KAZN: variants seen among roughly 807,000 people sequenced by gnomAD.
KAZN encodes kazrin, periplakin interacting protein, also known as kazrin.
A neutral mutation model predicts 87.4 loss-of-function variants in KAZN; 40 were observed. The ratio of observed to expected loss-of-function variants is 0.46; its 90% CI spans 0.36 to 0.60. The LOEUF is 0.60. KAZN is among the 20% of genes least tolerant of loss of function. The pLI, the probability that KAZN is intolerant of heterozygous loss-of-function variation, is 0.00. For synonymous variants in KAZN, 466 were observed against 458.3 expected (o/e 1.02, Z -0.22); for missense variants, 898 against 1,073.9 (o/e 0.84, Z 2.29).
intron 2 of KAZN, among the ~76,000 whole-genome samples, chr1:14,361,930 G>C (rs1290296499): frequency 2.0e-5 from 3 of 152,202 alleles, no homozygotes; most frequent in African/African-American, 7.2e-5. Flanking sequence ...TTTTGAGGAA[G>C]AGACTATTGG....
chr1:15,002,066 G>A (rs2102020530), intron 2 of KAZN, among the ~76,000 whole-genome samples: 1 of 151,990 alleles, frequency 6.6e-6, no homozygotes, highest in Admixed American at 6.5e-5. Flanking sequence ...ATTTTTAGTA[G>A]AGACGGGGTT....
intron 13 of KAZN, among the ~76,000 whole-genome samples, chr1:15,106,457 A>G (rs1174180843): frequency 6.6e-6 from 1 of 152,170 alleles, no homozygotes; most frequent in Non-Finnish European, 1.5e-5. Flanking sequence ...GAATATTAGC[A>G]GGCATTTGTG....
intron 2 of KAZN, among the ~76,000 whole-genome samples, chr1:14,300,535 C>T (rs564969454): frequency 3.9e-5 from 6 of 152,276 alleles, no homozygotes; most frequent in South Asian, 2.1e-4. Context: ...TGTGCTCAGC[C>T]GGATTTTAGG....
chr1:13,969,041 C>T (rs1447357915), intron 1 of KAZN, among the ~76,000 whole-genome samples: 2 of 152,182 alleles, frequency 1.3e-5, no homozygotes, highest in Non-Finnish European at 2.9e-5. Context: ...CGAATTTTCC[C>T]TGTACATTCA....
intron 2 of KAZN, among the ~76,000 whole-genome samples, chr1:14,490,637 C>T (rs944250179): frequency 3.3e-5 from 5 of 152,116 alleles, no homozygotes; most frequent in Non-Finnish European, 7.4e-5. Context: ...GGATTACAGG[C>T]GTGTGCCACC....
chr1:13,956,833 A>C (rs1641568884), intron 1 of KAZN, among the ~76,000 whole-genome samples: 2 of 152,306 alleles, frequency 1.3e-5, no homozygotes, highest in Admixed American at 1.3e-4. Context: ...TGTTTTTTAG[A>C]TAGATGAGTA....
intron 2 of KAZN, among the ~76,000 whole-genome samples, chr1:14,315,886 AT>A (rs144726128): frequency 1.9e-4 from 28 of 149,286 alleles, no homozygotes; most frequent in South Asian, 8.4e-4. Flanking sequence ...TTGTATGAAC[AT>A]TTTTTTTTTA....
At chr1:14,553,711 T>C (rs996842595) in intron 2 of KAZN, among the ~76,000 whole-genome samples, 2 of 152,146 alleles carry the variant, frequency 1.3e-5, no homozygotes, top group African/African-American at 4.8e-5. Context: ...CTTGGCACCA[T>C]TGCCCATGTG....
At chr1:14,022,570 C>T (rs1015495625) in intron 1 of KAZN, among the ~76,000 whole-genome samples, 10 of 148,878 alleles carry the variant, frequency 6.7e-5, no homozygotes, top group African/African-American at 2.5e-4. Flanking sequence ...TTTTATATGT[C>T]GTATGATGCA....
At chr1:14,658,023 G>A (rs901713211) in intron 1 of KAZN, among the ~76,000 whole-genome samples, 36 of 152,298 alleles carry the variant, frequency 2.4e-4, no homozygotes, top group African/African-American at 7.9e-4. Context: ...GGCACCTGGC[G>A]CTGGTGTCCC....
intron 2 of KAZN, among the ~76,000 whole-genome samples, chr1:15,007,499 G>A (rs1037852444): frequency 1.2e-4 from 18 of 152,214 alleles, no homozygotes; most frequent in African/African-American, 3.6e-4. Flanking sequence ...GCTCTCTCAG[G>A]CCTCTCTGTT....
At chr1:14,778,443 G>A (rs1406502181) in intron 1 of KAZN, among the ~76,000 whole-genome samples, 3 of 152,082 alleles carry the variant, frequency 2.0e-5, no homozygotes, top group Admixed American at 1.3e-4. Context: ...AGAGAGGAAG[G>A]GGACATCATG....
rs142196426 is a variant in KAZN, at chr1:13,914,543, G to A, written c.91+20787G>A. On this transcript the variant is annotated intron_variant, in intron 1 of 16. Coordinates refer to the KAZN transcript ENST00000636203. ...TTATGTTATACGGCCCTTATATAGC[G>A]GTGATGTCCCTCCTGTGAGTACAGG... Among the ~76,000 whole-genome samples the A allele has an allele frequency of 4.2e-3, 639 of 152,284 alleles. 3 individuals are homozygous for A. The highest frequency in any genetic ancestry group is 0.02 in the Middle Eastern group (6 of 294).
chr1:14,364,388 TG>T (rs2100990938), intron 2 of KAZN, among the ~76,000 whole-genome samples: 1 of 152,284 alleles, frequency 6.6e-6, no homozygotes, highest in East Asian at 1.9e-4. Context: ...AACGATCGAA[TG>T]GGATAATGTT....
At chr1:13,949,155 G>A (rs1248878305) in intron 1 of KAZN, among the ~76,000 whole-genome samples, 3 of 152,214 alleles carry the variant, frequency 2.0e-5, no homozygotes, top group African/African-American at 7.2e-5. Flanking sequence ...CCCAGAGGGA[G>A]CAGCTGTCCC....
chr1:14,992,835 G>A (rs912721506), intron 2 of KAZN, among the ~76,000 whole-genome samples: 1 of 151,830 alleles, frequency 6.6e-6, no homozygotes, highest in Non-Finnish European at 1.5e-5. Context: ...GTAGAGATGG[G>A]GTTTCATCAT....
intron 2 of KAZN, among the ~76,000 whole-genome samples, chr1:14,385,195 GTTC>G (rs905901994): frequency 7.2e-5 from 11 of 151,798 alleles, no homozygotes; most frequent in African/African-American, 2.4e-4. Context: ...CGTCTATTTG[GTTC>G]TTCTTTTTTT....
chr1:14,298,705 C>T (rs1233247937), intron 2 of KAZN, among the ~76,000 whole-genome samples: 2 of 152,186 alleles, frequency 1.3e-5, no homozygotes, highest in East Asian at 1.9e-4. Flanking sequence ...GTATATAACT[C>T]GAAATCTTTG....
At chr1:14,596,139 C>T (rs1020665544), upstream of KAZN, among the ~76,000 whole-genome samples, 11 of 152,168 alleles carry the variant, frequency 7.2e-5, no homozygotes, top group African/African-American at 2.2e-4. Flanking sequence ...ACACTTACTA[C>T]GGGCTAGGGC....
Sources: allele counts gnomAD v4.1 joint callset (sites outside exome capture counted in the v4.1 genomes callset), GRCh38; gene constraint gnomAD v4.1.1; transcripts MANE v1.5; gene names NCBI Gene and HGNC (gene_info 2026-07-23, HGNC 2026-07-21).